Variants in TBRG1 observed in about 807,000 individuals in gnomAD.
The protein encoded by TBRG1 is nuclear interactor of ARF and MDM2.
TBRG1 carries 31 observed loss-of-function variants against 44.0 expected under a neutral mutation model. The ratio of observed to expected loss-of-function variants is 0.70; its 90% CI spans 0.53 to 0.95. The LOEUF is 0.95. TBRG1 is among the 40% of genes least tolerant of loss of function. The pLI, the probability that TBRG1 is intolerant of heterozygous loss-of-function variation, is 0.00. For synonymous variants in TBRG1, 171 were observed against 188.1 expected, an observed-to-expected ratio of 0.91 and a Z score of 0.74; for missense variants, 487 against 496.1, an observed-to-expected ratio of 0.98 and a Z score of 0.18.
chr11:124,627,235 A>G (rs1317527015), intron 5 of TBRG1, among the ~76,000 whole-genome samples, 185 bp downstream of exon 5: 2 of 152,210 alleles, frequency 1.3e-5, no homozygotes, highest in Non-Finnish European at 2.9e-5. Context: ...TTGGATGTGA[A>G]TCTATTATCT....
At chr11:124,626,661 G>A in intron 4 of TBRG1, 52 bp downstream of exon 4, 3 of 1,544,894 alleles carry the variant, frequency 1.9e-6, no homozygotes, top group South Asian at 1.2e-5. Flanking sequence ...ATACGGGAAT[G>A]GGGTTGAGCC....
At chr11:124,625,968 A>C in intron 3 of TBRG1, 65 bp downstream of exon 3, 2 of 1,466,956 alleles carry the variant, frequency 1.4e-6, no homozygotes, top group Non-Finnish European at 1.8e-6. Flanking sequence ...TAGACCTGGT[A>C]CTAACTGACA....
chr11:124,627,423 T>G (rs911760182), intron 5 of TBRG1, among the ~76,000 whole-genome samples: 10 of 152,154 alleles, frequency 6.6e-5, no homozygotes, highest in African/African-American at 2.4e-4. Context: ...GCAAAGAAAT[T>G]GCATATTAGT....
At chr11:124,629,208 G>A (rs1387807528) in intron 5 of TBRG1, among the ~76,000 whole-genome samples, 8 of 152,128 alleles carry the variant, frequency 5.3e-5, no homozygotes, top group Non-Finnish European at 8.8e-5. Context: ...GCCTGGTGGC[G>A]TGCGCCTGTA....
rs1942664856 is a variant in TBRG1, at chr11:124,633,952, C to G, written c.*1714C>G. ...TAGAAAGGTTGAACTGGTTTTTCAG[C>G]TATAATGCATATACAACTATAGTGT... On this transcript the variant is annotated 3_prime_UTR_variant, in exon 9 of 9. Transcript: ENST00000441174. The G allele has an allele frequency of 6.6e-6, 1 of 152,312 alleles. No individual in the cohort carries two copies. Among genetic ancestry groups the G allele is most frequent in the East Asian group, 1.9e-4 (1 of 5,186 alleles). 9.4% of individuals were successfully genotyped at this position (152,312 alleles called of 1,614,324 possible). A position where few individuals can be genotyped will look rare whatever the true frequency, so the allele number is the denominator to read the frequency against.
Position 124,634,736 on chromosome 11 carries a change from A to T in TBRG1, c.*2498A>T, listed in dbSNP as rs1942685327. On this transcript the variant is annotated 3_prime_UTR_variant, in exon 9 of 9. Transcript: ENST00000441174. ...AAACACTCTAAATCTATATTCTATT[A>T]TTTACATAAGAAAATTATTTTGGTA... 3 of 152,210 alleles carry T rather than the reference A, an allele frequency of 2.0e-5. No individual in the cohort carries two copies. The highest frequency in any genetic ancestry group is 4.4e-5 in the Non-Finnish European group (3 of 68,036). 9.4% of individuals were successfully genotyped at this position (152,210 alleles called of 1,614,324 possible).
intron 2 of TBRG1, 151 bp from the exon 3 acceptor site, chr11:124,625,520 C>A: frequency 1.5e-6 from 1 of 680,478 alleles, no homozygotes; most frequent in Non-Finnish European, 2.4e-6. Flanking sequence ...TCCTCCAGGG[C>A]TTTATGATTC....
chr11:124,625,429 T>C (rs1015643723), intron 2 of TBRG1, among the ~76,000 whole-genome samples: 1 of 152,204 alleles, frequency 6.6e-6, no homozygotes, highest in African/African-American at 2.4e-5. Context: ...CCTAACACCG[T>C]CCAACATCAA....
Position 124,632,154 on chromosome 11 carries a change from C to T in TBRG1, c.1152C>T (p.Tyr384=), listed in dbSNP as rs764947712. 2.5e-6 allele frequency: 4 copies of T among 1,613,536 alleles called. No homozygotes were observed. The South Asian group carries it at 4.4e-5, about 18-fold the overall frequency. Residue 384 remains tyrosine (Y), a synonymous_variant, in exon 9 of 9, where the codon TAC becomes TAT. Transcript: ENST00000441174. ...AAFVSSYQPM[Y]LTHEPLVDTH... is the part of the protein sequence containing the mutation. ...TTGTGTCTTCTTACCAGCCCATGTA[C>T]CTGACACATGAACCCTTGGTAGATA...
intron 5 of TBRG1, among the ~76,000 whole-genome samples, chr11:124,629,165 T>A (rs1942551192): frequency 6.6e-6 from 1 of 152,168 alleles, no homozygotes; most frequent in African/African-American, 2.4e-5. Flanking sequence ...CCTGGACTAT[T>A]TGAAATTAAT....
rs138804372 is a variant in TBRG1, at chr11:124,631,502, A to G, written c.1090+85A>G. ...CTTCACACATAGCCGAGTACCCTAA[A>G]TATCTATGCATTGAGTGATAAAAGC... On this transcript the variant is annotated intron_variant, in intron 8 of 8. Transcript: ENST00000441174. The G allele has an allele frequency of 4.1e-3, 5,454 of 1,341,922 alleles. 15 individuals are homozygous for G. The highest frequency in any genetic ancestry group is 9.3e-3 in the Middle Eastern group (51 of 5,464). The allele number at this position is 1,341,922 out of a possible 1,614,324, so 83.1% of individuals were successfully genotyped here. A position where few individuals can be genotyped will look rare whatever the true frequency, so the allele number is the denominator to read the frequency against.
Position 124,631,328 on chromosome 11 carries a change from A to C in TBRG1, c.1001A>C (p.Glu334Ala). Residue 334 changes from glutamate (E) to alanine (A), a missense_variant, in exon 8 of 9, where the codon GAG becomes GCG. Physicochemically the swap from Glu to Ala is moderately radical, Grantham distance 107 (BLOSUM62 -1). Coordinates refer to ENST00000441174, the MANE Select transcript of TBRG1 (RefSeq NM_032811.3). The part of the protein sequence containing the change: ...VCKPGDGQLP[E>A]GLPENDAAMS... ...AAACCTGGAGATGGGCAGCTACCTG[A>C]GGGGCTGCCGGAGAATGATGCAGCT... The C allele has an allele frequency of 1.2e-6, 2 of 1,612,526 alleles. No individual in the cohort carries two copies. The highest frequency in any genetic ancestry group is 1.7e-6 in the Non-Finnish European group (2 of 1,179,054).
chr11:124,630,742 T>G lies in TBRG1; in HGVS notation c.837-3T>G. The G allele has an allele frequency of 6.3e-7, 1 of 1,597,694 alleles. No individual in the cohort carries two copies. The highest frequency in any genetic ancestry group is 8.5e-7 in the Non-Finnish European group (1 of 1,170,234). On this transcript the variant is annotated splice_polypyrimidine_tract_variant and splice_region_variant and intron_variant, in intron 6 of 8. Transcript: ENST00000441174. ...AAACTAAAATTATCCCTCTCCTGTT[T>G]AGGGGGAAACTAATGCCTAACCTGC...
rs776906583 is a variant in TBRG1, at chr11:124,630,384, TC to T, written c.739-3del. 3.4e-5 allele frequency: 54 copies of T among 1,603,408 alleles called. No homozygotes were observed. The highest frequency in any genetic ancestry group is 5.4e-5 in the African/African-American group (4 of 74,720). On this transcript the variant is annotated splice_polypyrimidine_tract_variant and splice_region_variant and intron_variant, in intron 5 of 8. Coordinates refer to ENST00000441174, the MANE Select transcript of TBRG1 (RefSeq NM_032811.3). ...TGATCTCATTGCTCGTTTGTCTTTC[TC>T]AGTTTGAAATTGTTCCTGAAGATGA... is the stretch of plus-strand genomic sequence containing the variant.
Position 124,623,107 on chromosome 11 carries a change from T to C in TBRG1, c.24T>C (p.Ala8=), listed in dbSNP as rs1161198236. ...CCATGAGCCTGCTGGACGGCCTCGC[T>C]TCCTCGCCGCGGGCTCCGCTGCAGT... MSLLDGL[A]SSPRAPLQSS... Residue 8 remains alanine, a synonymous_variant, in exon 1 of 9, where the codon GCT becomes GCC. Coordinates refer to ENST00000441174, the MANE Select transcript of TBRG1 (RefSeq NM_032811.3). The C allele has an allele frequency of 2.6e-5, 40 of 1,550,792 alleles. No individual in the cohort carries two copies. The highest frequency in any genetic ancestry group is 3.1e-5 in the Non-Finnish European group (36 of 1,146,866).
At chr11:124,631,523 A>G in intron 8 of TBRG1, 106 bp downstream of exon 8, 1 of 1,241,774 alleles carries the variant, frequency 8.1e-7, no homozygotes. Context: ...TTGAGTGATA[A>G]AAGCTTTCAT....
chr11:124,629,893 T>G (rs1249046908), intron 5 of TBRG1: 1 of 152,836 alleles, frequency 6.5e-6, no homozygotes, highest in Non-Finnish European at 1.5e-5. Flanking sequence ...AAATATTTTC[T>G]TGGCAAAAAT....
Position 124,632,077 on chromosome 11 carries a change from G to A in TBRG1, c.1091-16G>A. 2 of 1,613,214 alleles carry A rather than the reference G, an allele frequency of 1.2e-6. No homozygotes were observed. The highest frequency in any genetic ancestry group is 8.5e-7 in the Non-Finnish European group (1 of 1,179,354). Reference sequence around the variant, plus strand: ...CTCCCGAGCAGCAGTGGAACTTAAGGAATTGTTTTCTCCAGGATCCTTGGA... The same window carrying A: ...CTCCCGAGCAGCAGTGGAACTTAAGAAATTGTTTTCTCCAGGATCCTTGGA... On this transcript the variant is annotated splice_polypyrimidine_tract_variant and intron_variant, in intron 8 of 8. Transcript: ENST00000441174.
rs762524960 is a variant in TBRG1, at chr11:124,626,542, T to C, written c.524T>C (p.Leu175Pro). Residue 175 changes from leucine to proline, a missense_variant, in exon 4 of 9, where the codon CTG (leucine) becomes CCG (proline). Physicochemically the swap from Leu to Pro is moderately conservative, Grantham distance 98. Coordinates refer to ENST00000441174, the MANE Select transcript of TBRG1 (RefSeq NM_032811.3). Reference sequence around the variant, plus strand: ...CGCAAGCTGGTTCAGCCCATTGCCCTGGATCCCTCAGGACGGCCTGTGTTC... The same window carrying C: ...CGCAAGCTGGTTCAGCCCATTGCCCCGGATCCCTCAGGACGGCCTGTGTTC... ...GARKLVQPIA[L>P]DPSGRPVFPI... 2.3e-5 allele frequency: 35 copies of C among 1,551,384 alleles called. No individual in the cohort carries two copies. In the African/African-American group the frequency reaches 4.7e-4, roughly 21 times the overall value.
Sources: allele counts gnomAD v4.1 joint callset (sites outside exome capture counted in the v4.1 genomes callset), GRCh38; gene constraint gnomAD v4.1.1; transcripts MANE v1.5; gene names NCBI Gene and HGNC (gene_info 2026-07-23, HGNC 2026-07-21).